Variants in NPHP1 observed in about 807,000 individuals in gnomAD.
The protein encoded by NPHP1 is nephrocystin-1.
In NPHP1, 70 loss-of-function variants were observed where a neutral mutation model predicts 90.4. The observed-to-expected ratio is 0.77, with a 90% CI of 0.64 to 0.95. NPHP1 has a LOEUF of 0.95. Among genes scored for constraint, NPHP1 ranks in the 40% least tolerant of loss-of-function variants. The pLI, the probability that NPHP1 is intolerant of heterozygous loss-of-function variation, is 0.00. For synonymous variants in NPHP1, 256 were observed against 271.7 expected (o/e 0.94, Z 0.57); for missense variants, 764 against 795.9 (o/e 0.96, Z 0.48).
rs541770496 is a variant in NPHP1 at position 110,163,473 on chromosome 2, C to A, written c.772-338G>T. On this transcript the variant is annotated intron_variant, in intron 8 of 19. Transcript: ENST00000445609. ...TAAGTTAATGTCTATTGGCAAATCA[C>A]ATGCACTGAAGAATTAATGGATTTT... is the stretch of plus-strand genomic sequence containing the variant. 1.0e-3 allele frequency: 320 copies of A among 321,262 alleles called. 4 individuals are homozygous for A. The Middle Eastern group carries it at 0.018, about 18-fold the overall frequency. The allele number at this position is 321,262 out of a possible 1,614,324, so 19.9% of individuals were successfully genotyped here.
intron 2 of NPHP1, among the ~76,000 whole-genome samples, chr2:110,187,430 G>T (rs1252864353): frequency 6.6e-6 from 1 of 151,996 alleles, no homozygotes; most frequent in African/African-American, 2.4e-5. Context: ...AAATGGATGA[G>T]TTCTTGGACA....
At chr2:110,186,766 C>T (rs115893771) in intron 2 of NPHP1, among the ~76,000 whole-genome samples, 9 of 152,196 alleles carry the variant, frequency 5.9e-5, no homozygotes, top group Non-Finnish European at 1.0e-4. Context: ...GCCTGTCCCT[C>T]GCACAGCCTT....
intron 17 of NPHP1, among the ~76,000 whole-genome samples, chr2:110,129,964 G>T (rs1315277783): frequency 6.6e-6 from 1 of 152,162 alleles, no homozygotes; most frequent in Non-Finnish European, 1.5e-5. Flanking sequence ...CCAAGTTCTG[G>T]AGGCTGGGAA....
chr2:110,175,759 T>C (rs946098712), intron 4 of NPHP1, among the ~76,000 whole-genome samples: 5 of 151,934 alleles, frequency 3.3e-5, no homozygotes. Context: ...TCATAATTTT[T>C]AAATATTTTC....
chr2:110,160,014 A>G, intron 11 of NPHP1, 113 bp downstream of exon 11: 1 of 1,135,164 alleles, frequency 8.8e-7, no homozygotes, highest in South Asian at 1.3e-5. Flanking sequence ...TTTCTTTGGT[A>G]CTAGGTAAAA....
chr2:110,146,998 C>T (rs555463526), intron 13 of NPHP1, among the ~76,000 whole-genome samples, 163 bp from the exon 14 acceptor site: 31 of 152,186 alleles, frequency 2.0e-4, no homozygotes, highest in African/African-American at 2.2e-4. Flanking sequence ...ATTTTGCCTG[C>T]GGGTCAGATA....
At chr2:110,182,784 C>T (rs1305107988) in intron 2 of NPHP1, among the ~76,000 whole-genome samples, 3 of 152,116 alleles carry the variant, frequency 2.0e-5, no homozygotes, top group African/African-American at 4.8e-5. Flanking sequence ...ATCAAACTCA[C>T]ACAAAACAAT....
In NPHP1 at chr2:110,160,084, C is replaced by T. The variant is rs1040993814; in HGVS notation, c.1083+43G>A. The T allele has an allele frequency of 6.9e-6, 11 of 1,595,628 alleles. No homozygotes were observed. The South Asian group carries it at 1.2e-4, about 18-fold the overall frequency. On this transcript the variant is annotated intron_variant, in intron 11 of 19. Transcript: ENST00000445609. Reference sequence around the variant, plus strand: ...GAAAAGAATCTAAGGGAATGTTTCTCCATAATCCTAGTATGAATTGATTTA... The same window carrying T: ...GAAAAGAATCTAAGGGAATGTTTCTTCATAATCCTAGTATGAATTGATTTA...
At position 110,202,934 on chromosome 2, in the gene NPHP1, A is replaced by C. The variant is rs532414153; in HGVS notation, c.70-1440T>G. 2.4e-4 allele frequency among the ~76,000 whole-genome samples: 37 copies of C among 152,220 alleles called. 1 individual carries two copies. The South Asian group carries it at 7.1e-3, about 29-fold the overall frequency. On this transcript the variant is annotated intron_variant, in intron 1 of 19. Transcript: ENST00000445609. ...ATCCCATTTCCGTGTATATACCCCC[A>C]AAAAAGAAATGATTCTACCAAAATG...
intron 3 of NPHP1, 159 bp from the exon 4 acceptor site, chr2:110,178,706 G>A (rs1683680835): frequency 3.1e-6 from 2 of 636,588 alleles, no homozygotes; most frequent in Non-Finnish European, 5.2e-6. Flanking sequence ...AAAGAAACAG[G>A]CAATTGTGTT....
At chr2:110,161,532 GTTGT>G (rs1682334442) in intron 10 of NPHP1, 67 bp downstream of exon 10, 1 of 987,558 alleles carries the variant, frequency 1.0e-6, no homozygotes, top group African/African-American at 1.6e-5. Context: ...CAATTAACAT[GTTGT>G]TTGTCTAATT....
At chr2:110,156,705 T>C (rs1051815022) in intron 11 of NPHP1, among the ~76,000 whole-genome samples, 2 of 151,930 alleles carry the variant, frequency 1.3e-5, no homozygotes, top group Non-Finnish European at 2.9e-5. Flanking sequence ...CAAACATTAC[T>C]GGAAGTTGTG....
At chr2:110,147,592 C>T (rs1168732727) in intron 13 of NPHP1, among the ~76,000 whole-genome samples, 1 of 151,992 alleles carries the variant, frequency 6.6e-6, no homozygotes, top group Non-Finnish European at 1.5e-5. Flanking sequence ...TACTCTGCCC[C>T]TGGAAGACAG....
chr2:110,135,509 G>A (rs536804246), intron 16 of NPHP1, among the ~76,000 whole-genome samples: 2,167 of 141,684 alleles, frequency 0.015, 47 homozygotes, highest in Non-Finnish European at 0.022. Flanking sequence ...AAAAAAGTGA[G>A]TTCTTTAAGA....
intron 12 of NPHP1, among the ~76,000 whole-genome samples, chr2:110,148,475 G>A (rs1444800160): frequency 1.3e-5 from 2 of 152,022 alleles, no homozygotes; most frequent in African/African-American, 2.4e-5. Flanking sequence ...ATGCAAGAAC[G>A]GCCTCACACA....
intron 2 of NPHP1, among the ~76,000 whole-genome samples, chr2:110,194,786 G>A (rs1685028406): frequency 6.6e-6 from 1 of 152,098 alleles, no homozygotes; most frequent in African/African-American, 2.4e-5. Flanking sequence ...AAATCCAGCA[G>A]CACATCAAAA....
chr2:110,168,977 T>C (rs1459883115), intron 5 of NPHP1, among the ~76,000 whole-genome samples: 5 of 152,138 alleles, frequency 3.3e-5, no homozygotes, highest in African/African-American at 1.2e-4. Context: ...TTAAACCCTA[T>C]TTTTGAGCAA....
intron 2 of NPHP1, among the ~76,000 whole-genome samples, chr2:110,195,170 G>A (rs1225994016): frequency 2.6e-5 from 4 of 151,982 alleles, no homozygotes; most frequent in Admixed American, 6.6e-5. Flanking sequence ...CAATCAGGCA[G>A]GAGAAGGAAA....
intron 18 of NPHP1, chr2:110,126,782 G>T (rs2104419789): frequency 6.6e-6 from 1 of 152,660 alleles, no homozygotes; most frequent in Admixed American, 6.5e-5. Flanking sequence ...TACTTTTATG[G>T]CAAAAACCAC....
Sources: allele counts gnomAD v4.1 joint callset (sites outside exome capture counted in the v4.1 genomes callset), GRCh38; gene constraint gnomAD v4.1.1; transcripts MANE v1.5; gene names NCBI Gene and HGNC (gene_info 2026-07-23, HGNC 2026-07-21).